Variants in LMF1 observed in about 807,000 individuals in gnomAD.
LMF1 encodes transmembrane protein 112.
LMF1 carries 68 observed loss-of-function variants against 60.6 expected under a neutral mutation model. The ratio of observed to expected loss-of-function variants is 1.12; its 90% CI spans 0.92 to 1.37. The LOEUF is 1.37. Among genes scored for constraint, LMF1 ranks in the 40% most tolerant of loss-of-function variants. The probability of loss-of-function intolerance (pLI) is 0.00; values close to 1 mark genes in which losing one functional copy is unlikely to be tolerated. For synonymous variants in LMF1, 418 were observed against 324.7 expected (o/e 1.29, Z -3.09); for missense variants, 948 against 767.2 (o/e 1.24, Z -2.78).
At chr16:978,112 A>C (rs2073219624) in intron 1 of LMF1, among the ~76,000 whole-genome samples, 1 of 136,186 alleles carries the variant, frequency 7.3e-6, no homozygotes, top group African/African-American at 3.0e-5. Context: ...CACACACACC[A>C]CACACCATAC....
chr16:911,951 G>A (rs143099616), intron 3 of LMF1, among the ~76,000 whole-genome samples: 11 of 152,282 alleles, frequency 7.2e-5, no homozygotes, highest in Non-Finnish European at 1.3e-4. Flanking sequence ...ATAAGAATGC[G>A]GATGCGGGTC....
intron 2 of LMF1, among the ~76,000 whole-genome samples, chr16:952,317 C>CG (rs1555473465): frequency 1.5e-5 from 2 of 133,036 alleles, no homozygotes; most frequent in South Asian, 2.3e-4. Flanking sequence ...GACCCCCCCC[C>CG]ACAGGTGCCC....
chr16:876,223 G>A (rs2069968856), intron 6 of LMF1, among the ~76,000 whole-genome samples: 2 of 152,252 alleles, frequency 1.3e-5, no homozygotes, highest in South Asian at 2.1e-4. Context: ...GGAGGTGCAG[G>A]AGCCCACGCG....
intron 10 of LMF1, chr16:855,553 G>A (rs1027290791): frequency 9.2e-5 from 34 of 369,364 alleles, no homozygotes; most frequent in African/African-American, 3.8e-4. Context: ...AGGAGGAGGC[G>A]CCAGGAGGAA....
In LMF1 at chr16:897,168, G is replaced by A. The variant is rs952696842; in HGVS notation, c.664-4096C>T. Among the ~76,000 whole-genome samples, 2 of 152,198 alleles carry A rather than the reference G, an allele frequency of 1.3e-5. No individual in the cohort carries two copies. The highest frequency in any genetic ancestry group is 4.8e-5 in the African/African-American group (2 of 41,440). ...TGGCTGCAGCAGCTCTTCTCCTGAT[G>A]CCTGTGTGTCCTGGGACACACTTCC... On this transcript the variant is annotated intron_variant, in intron 4 of 10. Transcript: ENST00000262301. This position sits in a 1 kb window ranked among gnomAD's most constrained non-coding sequence, Gnocchi z 4.3.
intron 3 of LMF1, chr16:931,819 C>T: frequency 1.6e-5 from 20 of 1,276,008 alleles, no homozygotes; most frequent in Non-Finnish European, 1.9e-5. Context: ...CAACATGAAA[C>T]TCAGGCTCAC....
At chr16:932,491 G>A (rs2151785104) in intron 3 of LMF1, among the ~76,000 whole-genome samples, 1 of 152,356 alleles carries the variant, frequency 6.6e-6, no homozygotes, top group South Asian at 2.1e-4. Flanking sequence ...TCAGACAGCA[G>A]GGACTTCTCC....
intron 10 of LMF1, chr16:855,347 G>A: frequency 3.5e-6 from 1 of 288,866 alleles, no homozygotes; most frequent in Non-Finnish European, 6.8e-6. Flanking sequence ...CTCCCCTGGA[G>A]CAGGGTAGCG....
chr16:893,329 C>A (rs758858859), intron 4 of LMF1: 5 of 596,228 alleles, frequency 8.4e-6, no homozygotes, highest in South Asian at 3.0e-5. Flanking sequence ...TTGCGCCTTC[C>A]CCAACACTCA....
rs1424071356 is a variant in LMF1, at chr16:893,035, T to C, written c.701A>G (p.Asp234Gly). 3 of 1,551,876 alleles carry C rather than the reference T, an allele frequency of 1.9e-6. No individual in the cohort carries two copies. The highest frequency in any genetic ancestry group is 1.7e-6 in the Non-Finnish European group (2 of 1,147,868). Reference protein sequence around the residue: ...IKIRGDRCWRDLTCMDFHYET... With the variant: ...IKIRGDRCWRGLTCMDFHYET... Reference sequence around the variant, plus strand: ...ATAGTGGAAGTCCATGCAGGTGAGGTCTCGCCAGCACCGGTCCCCCCGGAT... The same window carrying C: ...ATAGTGGAAGTCCATGCAGGTGAGGCCTCGCCAGCACCGGTCCCCCCGGAT... Residue 234 changes from aspartate to glycine, a missense_variant, in exon 5 of 11, where the codon GAC becomes GGC. By Grantham distance (94) the Asp-to-Gly change is moderately conservative (BLOSUM62 -1). Transcript: ENST00000262301.
At chr16:858,910 G>T in intron 10 of LMF1, among the ~76,000 whole-genome samples, 1 of 102,776 alleles carries the variant, frequency 9.7e-6, no homozygotes, top group Non-Finnish European at 2.0e-5. Context: ...TCTCGGGACG[G>T]GTGTGCAGTG....
chr16:955,666 T>A (rs1363952517), intron 1 of LMF1, among the ~76,000 whole-genome samples: 1 of 152,216 alleles, frequency 6.6e-6, no homozygotes. Flanking sequence ...ATAAATTCCG[T>A]GTCTGCAGCA....
At chr16:888,966 C>A (rs147628336) in intron 5 of LMF1, among the ~76,000 whole-genome samples, 18 of 152,302 alleles carry the variant, frequency 1.2e-4, no homozygotes, top group African/African-American at 4.3e-4. Context: ...TGGGGGTCCT[C>A]ACAACGGTGC....
intron 10 of LMF1, among the ~76,000 whole-genome samples, chr16:860,839 C>G (rs980205334): frequency 6.6e-6 from 1 of 152,194 alleles, no homozygotes; most frequent in Non-Finnish European, 1.5e-5. Flanking sequence ...AATTGCATGT[C>G]TGTCCCTCTG....
chr16:926,260 G>A (rs1415501207), intron 3 of LMF1, among the ~76,000 whole-genome samples: 1 of 151,890 alleles, frequency 6.6e-6, no homozygotes, highest in Non-Finnish European at 1.5e-5. Context: ...GTCTGTGTGT[G>A]CATGCATGCA....
chr16:944,801 C>T (rs763441879), intron 2 of LMF1, among the ~76,000 whole-genome samples: 1 of 152,228 alleles, frequency 6.6e-6, no homozygotes, highest in Non-Finnish European at 1.5e-5. Flanking sequence ...CTGTCTACGG[C>T]CCCAGTGCCC....
Position 918,151 on chromosome 16 carries a change from C to T in LMF1, c.515-7072G>A, listed in dbSNP as rs909159874. Among the ~76,000 whole-genome samples, 7 of 152,218 alleles carry T rather than the reference C, an allele frequency of 4.6e-5. No individual in the cohort carries two copies. In the East Asian group the frequency reaches 5.8e-4, roughly 13 times the overall value. ...GGCTTTCGTGCTTTAGATAAAATTA[C>T]GTTAACTGCACGCTCTCAGTTATGA... is the stretch of plus-strand genomic sequence containing the variant. On this transcript the variant is annotated intron_variant, in intron 3 of 10. Coordinates refer to ENST00000262301, the MANE Select transcript of LMF1 (RefSeq NM_022773.4).
chr16:865,879 A>G (rs996196386), intron 10 of LMF1, among the ~76,000 whole-genome samples: 3 of 151,978 alleles, frequency 2.0e-5, no homozygotes, highest in Non-Finnish European at 2.9e-5. Flanking sequence ...GGTACTTTCT[A>G]TGTTTAAGTT....
chr16:862,862 AAAATAAATAAAT>A (rs879700283), intron 10 of LMF1, among the ~76,000 whole-genome samples: 4 of 152,304 alleles, frequency 2.6e-5, no homozygotes, highest in African/African-American at 7.2e-5. Context: ...CCTGTCTCAA[AAAATAAATAAAT>A]AAATAAATAA....
Sources: gnomAD v4.1 joint callset for allele counts (sites outside exome capture counted in the v4.1 genomes callset) on GRCh38, gnomAD v4.1.1 for gene constraint, Gnocchi (gnomAD v3.1) non-coding constraint, MANE v1.5 for transcripts, NCBI Gene and HGNC (gene_info 2026-07-23, HGNC 2026-07-21) for gene names.